The following POFUT3 variants were observed in gnomAD, a reference collection of about 807,000 sequenced individuals.
The protein encoded by POFUT3 is protein O-fucosyltransferase 3.
At chr8:33,413,308 A>G in the POFUT3 span, among the ~76,000 whole-genome samples, 1 of 152,094 alleles carries the variant, frequency 6.6e-6, no homozygotes, top group South Asian at 2.1e-4. Flanking sequence ...TCTTCTAACA[A>G]GAGGAAGAGA....
the POFUT3 span, among the ~76,000 whole-genome samples, chr8:33,347,667 C>T: frequency 6.6e-6 from 1 of 152,200 alleles, no homozygotes; most frequent in Admixed American, 6.5e-5. Context: ...CTGCCGGGCA[C>T]TGAGCTAGGC....
the POFUT3 span, among the ~76,000 whole-genome samples, chr8:33,383,242 A>T: frequency 6.6e-6 from 1 of 152,114 alleles, no homozygotes; most frequent in Non-Finnish European, 1.5e-5. Context: ...TCCCTAACAG[A>T]ATCACAGCAC....
the POFUT3 span, among the ~76,000 whole-genome samples, chr8:33,416,422 C>G: frequency 6.6e-6 from 1 of 151,010 alleles, no homozygotes; most frequent in Non-Finnish European, 1.5e-5. Context: ...GGCCAAAATA[C>G]AAAAATTAGC....
the POFUT3 span, among the ~76,000 whole-genome samples, chr8:33,412,195 T>C: frequency 6.6e-6 from 1 of 152,140 alleles, no homozygotes; most frequent in Non-Finnish European, 1.5e-5. Context: ...GGCTTTGAAA[T>C]CAACATGATC....
chr8:33,459,545 G>A, the POFUT3 span, among the ~76,000 whole-genome samples: 6 of 151,542 alleles, frequency 4.0e-5, no homozygotes, highest in African/African-American at 1.2e-4. Context: ...AGGAGGCTGC[G>A]TTGGGAGGAT....
At chr8:33,435,925 C>T in the POFUT3 span, among the ~76,000 whole-genome samples, 2 of 151,658 alleles carry the variant, frequency 1.3e-5, no homozygotes, top group African/African-American at 4.9e-5. Context: ...AGCCTTTGGA[C>T]CAAAAAAAGA....
chr8:33,466,968 G>A, the POFUT3 span, among the ~76,000 whole-genome samples: 4 of 152,080 alleles, frequency 2.6e-5, no homozygotes, highest in African/African-American at 9.7e-5. Context: ...AGCCGGGTGT[G>A]GTGGCAGACT....
chr8:33,380,074 TACACTATATATACTATATATATAC>T, the POFUT3 span, among the ~76,000 whole-genome samples: 27 of 50,356 alleles, frequency 5.4e-4, 2 homozygotes, highest in African/African-American at 2.4e-3. Flanking sequence ...ACTATATATA[TACACTATATATACTATATATATAC>T]ACTATATATA....
chr8:33,361,818 T>G, the POFUT3 span, among the ~76,000 whole-genome samples: 1 of 152,218 alleles, frequency 6.6e-6, no homozygotes, highest in Non-Finnish European at 1.5e-5. Flanking sequence ...ATACATTTTT[T>G]TCCGTGTTTC....
At chr8:33,311,142 C>T in the POFUT3 span, among the ~76,000 whole-genome samples, 6 of 152,182 alleles carry the variant, frequency 3.9e-5, no homozygotes, top group African/African-American at 1.4e-4. Context: ...GCTTTATTTG[C>T]TATTACATCC....
chr8:33,380,259 A>ATG, the POFUT3 span, among the ~76,000 whole-genome samples: 1 of 109,514 alleles, frequency 9.1e-6, no homozygotes, highest in Non-Finnish European at 1.7e-5. Context: ...ATATATATAT[A>ATG]GTAGAAAAGG....
At chr8:33,388,493 T>C in the POFUT3 span, among the ~76,000 whole-genome samples, 1 of 151,898 alleles carries the variant, frequency 6.6e-6, no homozygotes, top group South Asian at 2.1e-4. Context: ...CATGTCACCA[T>C]GCCGGGCTAA....
the POFUT3 span, among the ~76,000 whole-genome samples, chr8:33,330,932 T>C: frequency 1.8e-4 from 28 of 152,230 alleles, no homozygotes; most frequent in African/African-American, 5.3e-4. Context: ...GGAGGCACTA[T>C]GGTTTTTCAC....
the POFUT3 span, among the ~76,000 whole-genome samples, chr8:33,394,731 C>T: frequency 6.6e-6 from 1 of 151,634 alleles, no homozygotes; most frequent in African/African-American, 2.4e-5. Context: ...CATATAAATC[C>T]ATCTCTAAAG....
At chr8:33,418,276 C>T in the POFUT3 span, among the ~76,000 whole-genome samples, 59 of 152,230 alleles carry the variant, frequency 3.9e-4, no homozygotes, top group Non-Finnish European at 5.3e-4. Context: ...ACAGCCTCCA[C>T]GCACTTTCAC....
the POFUT3 span, among the ~76,000 whole-genome samples, chr8:33,373,128 C>T: frequency 1.8e-4 from 27 of 152,190 alleles, no homozygotes; most frequent in African/African-American, 6.5e-4. Context: ...TTTGTTTATT[C>T]CTTTTCCCCC....
At chr8:33,460,830 T>A in the POFUT3 span, 1 of 736,816 alleles carries the variant, frequency 1.4e-6, no homozygotes, top group African/African-American at 1.9e-5. Flanking sequence ...AGAGGTTTTT[T>A]ACTGGGAGGT....
the POFUT3 span, among the ~76,000 whole-genome samples, chr8:33,337,676 A>G: frequency 6.6e-6 from 1 of 152,186 alleles, no homozygotes. Context: ...GAACAATTGT[A>G]TGCCAACAAA....
At chr8:33,308,446 T>C in the POFUT3 span, among the ~76,000 whole-genome samples, 1 of 152,166 alleles carries the variant, frequency 6.6e-6, no homozygotes. Flanking sequence ...AAGTGAGGTG[T>C]TTGGACTAGA....
Sources: allele counts gnomAD v4.1 joint callset (sites outside exome capture counted in the v4.1 genomes callset), GRCh38; gene constraint gnomAD v4.1.1; transcripts MANE v1.5; gene names NCBI Gene and HGNC (gene_info 2026-07-23, HGNC 2026-07-21).